Variants in KSR1 observed in about 807,000 individuals in gnomAD.
KSR1 encodes the protein kinase suppressor of ras 1, also known as kinase suppressor of ras.
KSR1 carries 35 observed loss-of-function variants against 92.9 expected under a neutral mutation model. That is an observed-to-expected ratio of 0.38 (90% CI 0.29 to 0.50). KSR1 has a LOEUF of 0.50. Ranked by LOEUF, KSR1 falls within the 20% of genes least tolerant of loss-of-function variation. KSR1 has a pLI of 0.94. For missense variants in KSR1, 972 were observed against 1,158.5 expected (o/e 0.84, Z 2.34); for synonymous variants, 467 against 472.6 (o/e 0.99, Z 0.15).
chr17:27,491,828 A>C (rs1430690711), intron 1 of KSR1, among the ~76,000 whole-genome samples: 1 of 152,028 alleles, frequency 6.6e-6, no homozygotes, highest in Non-Finnish European at 1.5e-5. Flanking sequence ...CTCCGACTGA[A>C]GTTAGTCTGC....
chr17:27,476,833 G>T (rs2068362260), intron 1 of KSR1, among the ~76,000 whole-genome samples: 1 of 152,172 alleles, frequency 6.6e-6, no homozygotes. Context: ...CAGGAAAGGG[G>T]TCCCGATCCA....
chr17:27,594,469 C>T (rs1214114540), intron 9 of KSR1, among the ~76,000 whole-genome samples: 1 of 152,056 alleles, frequency 6.6e-6, no homozygotes, highest in African/African-American at 2.4e-5. Flanking sequence ...CTCCACCCAC[C>T]TGGACACCAC....
chr17:27,481,357 C>A (rs947109546), intron 1 of KSR1, among the ~76,000 whole-genome samples: 1 of 152,172 alleles, frequency 6.6e-6, no homozygotes, highest in Non-Finnish European at 1.5e-5. Context: ...GGGAATTGGA[C>A]TGGCTGATTT....
intron 1 of KSR1, among the ~76,000 whole-genome samples, chr17:27,487,304 G>A (rs893037770): frequency 1.6e-4 from 24 of 152,074 alleles, no homozygotes; most frequent in African/African-American, 5.5e-4. Context: ...GTGTGATAGC[G>A]CACGTCTGTA....
chr17:27,457,973 A>T (rs983666181), intron 1 of KSR1, among the ~76,000 whole-genome samples: 3 of 137,516 alleles, frequency 2.2e-5, no homozygotes, highest in African/African-American at 8.3e-5. Flanking sequence ...GATCGCGGTA[A>T]TTATTACAAG....
Position 27,623,667 on chromosome 17 carries a change from AG to A in KSR1, c.*277del. 1 of 599,908 alleles carries A rather than the reference AG, an allele frequency of 1.7e-6. No individual in the cohort carries two copies. Among genetic ancestry groups the A allele is most frequent in the Non-Finnish European group, 2.9e-6 (1 of 341,988 alleles). The allele number at this position is 599,908 out of a possible 1,614,324, so 37.2% of individuals were successfully genotyped here. A position where few individuals can be genotyped will look rare whatever the true frequency, so the allele number is the denominator to read the frequency against. ...CTGAGTGAACCTGATGTTTTACAATAGGTAATAATAAAAACAGTCTGTGCAG... is the reference window on the plus strand; with the variant it reads ...CTGAGTGAACCTGATGTTTTACAATAGTAATAATAAAAACAGTCTGTGCAG... On this transcript the variant is annotated 3_prime_UTR_variant, in exon 21 of 21. Coordinates refer to ENST00000644974, the MANE Select transcript of KSR1 (RefSeq NM_001394583.1).
chr17:27,591,594 G>A (rs558756473), intron 7 of KSR1, among the ~76,000 whole-genome samples: 8 of 152,212 alleles, frequency 5.3e-5, no homozygotes, highest in Non-Finnish European at 8.8e-5. Flanking sequence ...CAGTCAGACC[G>A]TAGATGGTGG....
At chr17:27,592,487 C>T in intron 8 of KSR1, 33 bp from the exon 9 acceptor site, 1 of 1,613,024 alleles carries the variant, frequency 6.2e-7, no homozygotes, top group South Asian at 1.1e-5. Flanking sequence ...TTGACCTGTT[C>T]CCTGGTGATG....
At chr17:27,520,038 A>C (rs1567786777) in intron 1 of KSR1, among the ~76,000 whole-genome samples, 1 of 152,230 alleles carries the variant, frequency 6.6e-6, no homozygotes, top group Non-Finnish European at 1.5e-5. Context: ...GGAGAAGGGA[A>C]TAAACCTGTA....
chr17:27,463,132 C>T (rs2019527288), intron 1 of KSR1, among the ~76,000 whole-genome samples: 1 of 152,304 alleles, frequency 6.6e-6, no homozygotes, highest in South Asian at 2.1e-4. Context: ...TCATAACTCC[C>T]CCTCTCCTAA....
intron 1 of KSR1, among the ~76,000 whole-genome samples, chr17:27,513,632 G>T (rs925082795): frequency 1.3e-5 from 2 of 152,278 alleles, no homozygotes; most frequent in Admixed American, 1.3e-4. Flanking sequence ...GGGAAGCTTT[G>T]CTTACTGTCC....
At position 27,577,548 on chromosome 17, in the gene KSR1, G is replaced by C. The variant is rs1345403759; in HGVS notation, c.429G>C (p.Val143=). 3 of 1,605,700 alleles carry C rather than the reference G, an allele frequency of 1.9e-6. No homozygotes were observed. In the Admixed American group the frequency reaches 5.0e-5, roughly 27 times the overall value. Residue 143 remains valine, a synonymous_variant, in exon 3 of 21, where the codon GTG becomes GTC. Transcript: ENST00000644974. This position sits in a 1 kb window ranked among gnomAD's most constrained non-coding sequence, Gnocchi z 4.5. ...DALLEMNEAK[V]KETLRRCGAS... ...TGCTGGAGATGAATGAGGCCAAGGT[G>C]AAGGAGACGCTGCGGCGCTGTGGGG...
rs191640678 is a variant in KSR1, at chr17:27,459,982, C to G, written c.231+3108C>G. Among the ~76,000 whole-genome samples, 392 of 152,308 alleles carry G rather than the reference C, an allele frequency of 2.6e-3. 1 individual carries two copies. Among genetic ancestry groups the G allele is most frequent in the Admixed American group, 5.6e-3 (86 of 15,302 alleles). ...CAAACTCACACACGTTCCTGGAGAT[C>G]AGCAGTTTTCATCATACACATTTTC... On this transcript the variant is annotated intron_variant, in intron 1 of 20. Transcript: ENST00000644974. This position sits in a 1 kb window ranked among gnomAD's most constrained non-coding sequence, Gnocchi z 4.6.
chr17:27,607,458 C>T (rs1332434868), intron 14 of KSR1, among the ~76,000 whole-genome samples: 2 of 152,076 alleles, frequency 1.3e-5, no homozygotes, highest in African/African-American at 4.8e-5. Flanking sequence ...CTTGCACACT[C>T]CTTTATTGTA....
At chr17:27,457,169 T>C (rs2019215121) in intron 1 of KSR1, among the ~76,000 whole-genome samples, 1 of 152,028 alleles carries the variant, frequency 6.6e-6, no homozygotes, top group Non-Finnish European at 1.5e-5. Flanking sequence ...CCACCCCATT[T>C]CCAGTTTGCG....
intron 18 of KSR1, among the ~76,000 whole-genome samples, chr17:27,616,356 T>C (rs2074054376): frequency 6.6e-6 from 1 of 152,230 alleles, no homozygotes; most frequent in Non-Finnish European, 1.5e-5. Flanking sequence ...GGGGATTTCC[T>C]TGATTTTTAT....
rs2071362224 is a variant in KSR1 at position 27,550,623 on chromosome 17, C to T, written c.287C>T (p.Pro96Leu). 5.2e-6 allele frequency: 4 copies of T among 764,648 alleles called. No individual in the cohort carries two copies. The East Asian group carries it at 9.7e-5, about 19-fold the overall frequency. 47.4% of individuals were successfully genotyped at this position (764,648 alleles called of 1,614,324 possible). A position where few individuals can be genotyped will look rare whatever the true frequency, so the allele number is the denominator to read the frequency against. The change falls in exon 2 of 21, where the codon CCC becomes CTC. Residue 96 changes from proline to leucine, a missense_variant. By Grantham distance (98) the Pro-to-Leu change is moderately conservative. Transcript: ENST00000644974. The stretch of plus-strand genomic sequence containing the variant: ...AGGCAGTGCAAGCTGAGCGTGGCTC[C>T]CGGTGAGAGGACCCCAGAGCTCAAC... ...KQRQCKLSVA[P>L]GERTPELNSY...
At chr17:27,468,825 C>T (rs183411998) in intron 1 of KSR1, among the ~76,000 whole-genome samples, 41 of 152,312 alleles carry the variant, frequency 2.7e-4, no homozygotes, top group African/African-American at 4.3e-4. Flanking sequence ...TGTTCTCAGA[C>T]GGCTGGGTGC....
At chr17:27,601,798 T>G (rs2073568193) in intron 11 of KSR1, 21 of 859,978 alleles carry the variant, frequency 2.4e-5, no homozygotes, top group Non-Finnish European at 3.9e-5. Context: ...TGGGAGGATA[T>G]CTTATGCACA....
Sources: gnomAD v4.1 joint callset for allele counts (sites outside exome capture counted in the v4.1 genomes callset) on GRCh38, gnomAD v4.1.1 for gene constraint, Gnocchi (gnomAD v3.1) non-coding constraint, MANE v1.5 for transcripts, NCBI Gene and HGNC (gene_info 2026-07-23, HGNC 2026-07-21) for gene names.